The following HMG20A variants were observed in gnomAD, a reference collection of about 807,000 sequenced individuals.
HMG20A encodes the protein high mobility group protein 20A.
HMG20A carries 17 observed loss-of-function variants against 43.9 expected under a neutral mutation model. That is an observed-to-expected ratio of 0.39 (90% CI 0.27 to 0.58). The LOEUF (loss-of-function observed/expected upper bound fraction) is 0.58, where lower values mean the gene tolerates loss of function less well. Among genes scored for constraint, HMG20A ranks in the 20% least tolerant of loss-of-function variants. HMG20A has a pLI of 0.59. For missense variants in HMG20A, 341 were observed against 438.2 expected (o/e 0.78, Z 1.98); for synonymous variants, 132 against 147.5 (o/e 0.89, Z 0.76).
the HMG20A span, among the ~76,000 whole-genome samples, chr15:77,510,299 A>T: frequency 6.6e-6 from 1 of 152,186 alleles, no homozygotes; most frequent in Admixed American, 6.5e-5. Flanking sequence ...CGCATGGATG[A>T]TGACTGAAAC....
intron 1 of HMG20A, among the ~76,000 whole-genome samples, chr15:77,425,114 G>A (rs1383757743): frequency 6.6e-6 from 1 of 152,026 alleles, no homozygotes; most frequent in East Asian, 1.9e-4. Flanking sequence ...AATATTTTCT[G>A]ATATCCATCC....
intron 1 of HMG20A, among the ~76,000 whole-genome samples, chr15:77,438,904 C>T (rs1007840857): frequency 6.6e-6 from 1 of 152,172 alleles, no homozygotes; most frequent in African/African-American, 2.4e-5. Flanking sequence ...CATTCTCCTG[C>T]CTCAGCCTCC....
At chr15:77,496,943 C>G in the HMG20A span, among the ~76,000 whole-genome samples, 1 of 152,220 alleles carries the variant, frequency 6.6e-6, no homozygotes, top group Non-Finnish European at 1.5e-5. Flanking sequence ...GAGCCCATTT[C>G]CAGATGTGCG....
At chr15:77,498,496 C>CA in the HMG20A span, among the ~76,000 whole-genome samples, 56 of 152,270 alleles carry the variant, frequency 3.7e-4, no homozygotes, top group Admixed American at 3.7e-3. Context: ...ATGCCCACCC[C>CA]AGTGGGCTGC....
rs575602306 is a variant in HMG20A at position 77,449,856 on chromosome 15, A to G, written c.-4-8548A>G. Among the ~76,000 whole-genome samples, 12 of 152,330 alleles carry G rather than the reference A, an allele frequency of 7.9e-5. No homozygotes were observed. The South Asian group carries it at 2.1e-3, about 26-fold the overall frequency. ...GTGTCCATCACTCTTGGTGTTGGAC[A>G]GTCTGTGAGTTTTGACAGATTTATA... On this transcript the variant is annotated intron_variant, in intron 1 of 9. Coordinates refer to ENST00000336216, the MANE Select transcript of HMG20A (RefSeq NM_001304504.2).
chr15:77,433,362 T>C (rs1006924594), intron 1 of HMG20A, among the ~76,000 whole-genome samples: 1 of 127,184 alleles, frequency 7.9e-6, no homozygotes, highest in African/African-American at 2.6e-5. Context: ...AAAAAAAAAA[T>C]TTCTTCAAAG....
intron 1 of HMG20A, among the ~76,000 whole-genome samples, chr15:77,443,709 A>AT (rs2142299171): frequency 6.7e-6 from 1 of 150,072 alleles, no homozygotes; most frequent in Admixed American, 6.7e-5. Context: ...GTATTTATTT[A>AT]TTATTATTAT....
At chr15:77,440,201 T>C (rs1420943082) in intron 1 of HMG20A, among the ~76,000 whole-genome samples, 1 of 152,186 alleles carries the variant, frequency 6.6e-6, no homozygotes, top group African/African-American at 2.4e-5. Context: ...CTCCAATTTG[T>C]CACTTTTCTC....
intron 2 of HMG20A, among the ~76,000 whole-genome samples, chr15:77,461,481 A>G (rs1320932073): frequency 6.6e-6 from 1 of 152,198 alleles, no homozygotes; most frequent in East Asian, 1.9e-4. Context: ...AATTGCTGAA[A>G]ATCTGCCCCT....
At chr15:77,469,552 T>C (rs2072787452) in intron 4 of HMG20A, among the ~76,000 whole-genome samples, 1 of 152,158 alleles carries the variant, frequency 6.6e-6, no homozygotes, top group South Asian at 2.1e-4. Flanking sequence ...TAGGCTGGAC[T>C]CAAACATCTG....
chr15:77,438,094 C>T (rs1316276348), intron 1 of HMG20A, among the ~76,000 whole-genome samples: 1 of 150,664 alleles, frequency 6.6e-6, no homozygotes, highest in Admixed American at 6.6e-5. Context: ...GTAGCTTGGA[C>T]TGCAAGCTCA....
chr15:77,446,802 G>A (rs1206003437), intron 1 of HMG20A, among the ~76,000 whole-genome samples: 1 of 142,724 alleles, frequency 7.0e-6, no homozygotes, highest in African/African-American at 2.6e-5. Flanking sequence ...GCGAGACTCC[G>A]TCTCAAAAAA....
At chr15:77,474,074 T>C (rs1431353539) in intron 6 of HMG20A, among the ~76,000 whole-genome samples, 1 of 152,218 alleles carries the variant, frequency 6.6e-6, no homozygotes, top group Admixed American at 6.5e-5. Context: ...TACATATAAC[T>C]TCTTAGTATA....
At chr15:77,490,948 G>A in the HMG20A span, among the ~76,000 whole-genome samples, 4 of 152,318 alleles carry the variant, frequency 2.6e-5, no homozygotes, top group Non-Finnish European at 4.4e-5. Flanking sequence ...TATCCTCAGC[G>A]CATGTGCACA....
At chr15:77,512,774 A>G in the HMG20A span, among the ~76,000 whole-genome samples, 12 of 151,888 alleles carry the variant, frequency 7.9e-5, no homozygotes, top group Non-Finnish European at 1.5e-4. Context: ...TATATAAAAT[A>G]TTAATTAATT....
chr15:77,428,902 G>T (rs967438392), intron 1 of HMG20A, among the ~76,000 whole-genome samples: 5 of 151,474 alleles, frequency 3.3e-5, no homozygotes, highest in African/African-American at 1.2e-4. Context: ...GGAGTTCAAG[G>T]CTGTGAGCTG....
chr15:77,433,469 C>T (rs1302383609), intron 1 of HMG20A, among the ~76,000 whole-genome samples: 1 of 151,894 alleles, frequency 6.6e-6, no homozygotes, highest in African/African-American at 2.4e-5. Context: ...GAATACAAGT[C>T]GTTTTATGAG....
chr15:77,466,935 A>G (rs1474206244), intron 3 of HMG20A, among the ~76,000 whole-genome samples, 160 bp from the exon 4 acceptor site: 2 of 152,236 alleles, frequency 1.3e-5, no homozygotes, highest in South Asian at 2.1e-4. Context: ...TGTCATTTGT[A>G]TATTACCTAC....
At chr15:77,506,245 C>T in the HMG20A span, among the ~76,000 whole-genome samples, 4 of 152,174 alleles carry the variant, frequency 2.6e-5, no homozygotes, top group South Asian at 2.1e-4. Context: ...TATCCCACCC[C>T]GATCCCAGCC....
Sources: gnomAD v4.1 joint callset for allele counts (sites outside exome capture counted in the v4.1 genomes callset) on GRCh38, gnomAD v4.1.1 for gene constraint, MANE v1.5 for transcripts, NCBI Gene and HGNC (gene_info 2026-07-23, HGNC 2026-07-21) for gene names.